Variants in CDC73 observed in about 807,000 individuals in gnomAD.
CDC73 encodes cell division cycle 73.
CDC73 carries 21 observed loss-of-function variants against 83.7 expected under a neutral mutation model. That is an observed-to-expected ratio of 0.25 (90% CI 0.18 to 0.36). The LOEUF is 0.36. CDC73 is among the 10% of genes least tolerant of loss of function. CDC73 has a pLI of 1.00. For missense variants in CDC73, 342 were observed against 653.3 expected (o/e 0.52, Z 5.19); for synonymous variants, 224 against 212.9 (o/e 1.05, Z -0.45).
intron 11 of CDC73, 71 bp from the exon 12 acceptor site, chr1:193,211,994 T>G: frequency 8.3e-7 from 1 of 1,207,072 alleles, no homozygotes. Flanking sequence ...AAAATATCCC[T>G]TATTTGTAAG....
rs564656065 is a variant in CDC73, at chr1:193,196,549, A to T, written c.973-7246A>T. ...TGATAGGGATTGTGTTGTGCATCTG[A>T]TAGTATAGAAATCTTAATATTTTTC... On this transcript the variant is annotated intron_variant, in intron 10 of 16. Coordinates refer to ENST00000367435, the MANE Select transcript of CDC73 (RefSeq NM_024529.5). 6.6e-5 allele frequency among the ~76,000 whole-genome samples: 10 copies of T among 152,298 alleles called. No homozygotes were observed. The South Asian group carries it at 1.9e-3, about 28-fold the overall frequency.
At chr1:193,161,771 C>T (rs187236499) in intron 10 of CDC73, among the ~76,000 whole-genome samples, 1 of 6,506 alleles carries the variant, frequency 1.5e-4, no homozygotes, top group Non-Finnish European at 2.8e-4. Context: ...TAATATATAT[C>T]ATATTATATT....
At chr1:193,140,894 G>A (rs988225342) in intron 6 of CDC73, among the ~76,000 whole-genome samples, 3 of 152,194 alleles carry the variant, frequency 2.0e-5, no homozygotes, top group African/African-American at 7.2e-5. Flanking sequence ...TTTGGCTTAA[G>A]GTATGCTGGT....
chr1:193,124,678 T>C (rs1675532003), intron 1 of CDC73, among the ~76,000 whole-genome samples: 1 of 152,228 alleles, frequency 6.6e-6, no homozygotes, highest in Non-Finnish European at 1.5e-5. Flanking sequence ...TGTAAGAATG[T>C]GAAGGATGTT....
At chr1:193,208,784 A>G (rs1321784770) in intron 11 of CDC73, among the ~76,000 whole-genome samples, 1 of 151,906 alleles carries the variant, frequency 6.6e-6, no homozygotes, top group East Asian at 1.9e-4. Context: ...TGGTCTACAC[A>G]TTTGTTTTGT....
chr1:193,135,663 TTTGA>T, intron 5 of CDC73, 74 bp downstream of exon 5: 1 of 1,235,558 alleles, frequency 8.1e-7, no homozygotes, highest in Non-Finnish European at 1.2e-6. Context: ...ACAAGGATTC[TTTGA>T]TTGCAGTAAC....
chr1:193,206,725 A>G (rs2103180755), intron 11 of CDC73, among the ~76,000 whole-genome samples: 1 of 152,286 alleles, frequency 6.6e-6, no homozygotes, highest in East Asian at 1.9e-4. Context: ...AGACTGTCTC[A>G]CCTATTCTCT....
At chr1:193,148,116 C>T in intron 8 of CDC73, 151 bp downstream of exon 8, 1 of 689,370 alleles carries the variant, frequency 1.5e-6, no homozygotes, top group Non-Finnish European at 2.7e-6. Context: ...AAAGCCCTCC[C>T]CAACATTAAA....
chr1:193,190,545 C>T (rs768124159), intron 10 of CDC73, among the ~76,000 whole-genome samples: 1 of 152,192 alleles, frequency 6.6e-6, no homozygotes, highest in Non-Finnish European at 1.5e-5. Flanking sequence ...CTCAGAATGA[C>T]CACAAGTGTC....
chr1:193,123,634 C>T (rs1675508375), intron 1 of CDC73, among the ~76,000 whole-genome samples: 1 of 151,828 alleles, frequency 6.6e-6, no homozygotes, highest in Non-Finnish European at 1.5e-5. Context: ...GAATAATTTG[C>T]ATAGGTAGAA....
intron 10 of CDC73, among the ~76,000 whole-genome samples, chr1:193,199,052 G>T (rs192512745): frequency 3.9e-5 from 6 of 152,164 alleles, no homozygotes; most frequent in South Asian, 2.1e-4. Flanking sequence ...ATATTTAAAG[G>T]GAGGGAAGTA....
rs759545540 is a variant in CDC73, at chr1:193,212,592, A to G, written c.1154+115A>G. On this transcript the variant is annotated intron_variant, in intron 13 of 16. Coordinates refer to ENST00000367435, the MANE Select transcript of CDC73 (RefSeq NM_024529.5). ...AAAACAAAATTTCGGTTTCTGTGCTATAGGCCTTACACATAGTATGAAGCA... is the reference window on the plus strand; with the variant it reads ...AAAACAAAATTTCGGTTTCTGTGCTGTAGGCCTTACACATAGTATGAAGCA... The G allele has an allele frequency of 1.8e-5, 12 of 656,764 alleles. 1 individual carries two copies. The highest frequency in any genetic ancestry group is 1.1e-4 in the South Asian group (5 of 46,614). The allele number at this position is 656,764 out of a possible 1,614,324, so 40.7% of individuals were successfully genotyped here.
chr1:193,127,594 A>C (rs1675601469), intron 2 of CDC73, among the ~76,000 whole-genome samples: 1 of 152,102 alleles, frequency 6.6e-6, no homozygotes, highest in Admixed American at 6.5e-5. Context: ...TAGTTGGCTT[A>C]GATTTATAGA....
chr1:193,169,570 A>G (rs993080006), intron 10 of CDC73, among the ~76,000 whole-genome samples: 1 of 152,184 alleles, frequency 6.6e-6, no homozygotes, highest in Non-Finnish European at 1.5e-5. Flanking sequence ...ATAAATTTGT[A>G]AGAATGGAGG....
At chr1:193,143,346 T>TA (rs1444230685) in intron 7 of CDC73, among the ~76,000 whole-genome samples, 1 of 152,184 alleles carries the variant, frequency 6.6e-6, no homozygotes, top group Non-Finnish European at 1.5e-5. Flanking sequence ...TATTGTGACT[T>TA]ACGTTGATCC....
At chr1:193,193,022 CAAG>C (rs1676945100) in intron 10 of CDC73, among the ~76,000 whole-genome samples, 1 of 152,160 alleles carries the variant, frequency 6.6e-6, no homozygotes, top group Admixed American at 6.5e-5. Flanking sequence ...TCCGGCCTTC[CAAG>C]AAGGTTTGCT....
intron 10 of CDC73, chr1:193,181,054 A>G (rs1408773816): frequency 6.2e-7 from 1 of 1,614,042 alleles, no homozygotes. Flanking sequence ...AGTTTGCCGA[A>G]TAGCTCTTCT....
At chr1:193,162,434 A>G (rs1187722140) in intron 10 of CDC73, among the ~76,000 whole-genome samples, 1 of 148,790 alleles carries the variant, frequency 6.7e-6, no homozygotes, top group African/African-American at 2.5e-5. Flanking sequence ...GTGCAGTGGC[A>G]TGATCTCAGC....
At chr1:193,204,220 T>C (rs1677142470) in intron 11 of CDC73, among the ~76,000 whole-genome samples, 4 of 12,852 alleles carry the variant, frequency 3.1e-4, no homozygotes, top group South Asian at 4.0e-3. Flanking sequence ...TATATATGTA[T>C]ATATATGTAT....
Sources: gnomAD v4.1 joint callset for allele counts (sites outside exome capture counted in the v4.1 genomes callset) on GRCh38, gnomAD v4.1.1 for gene constraint, MANE v1.5 for transcripts, NCBI Gene and HGNC (gene_info 2026-07-23, HGNC 2026-07-21) for gene names.